Variants in SLC17A8 observed in about 807,000 individuals in gnomAD.
SLC17A8 encodes the protein vesicular glutamate transporter 3.
In SLC17A8, 31 loss-of-function variants were observed where a neutral mutation model predicts 58.0. The observed-to-expected ratio is 0.53, with a 90% confidence interval of 0.40 to 0.72. The LOEUF is 0.72. Ranked by LOEUF, SLC17A8 falls within the 30% of genes least tolerant of loss-of-function variation. SLC17A8 has a pLI of 0.00. For synonymous variants in SLC17A8, 228 were observed against 249.0 expected (o/e 0.92, Z 0.79); for missense variants, 655 against 727.8 (o/e 0.90, Z 1.15).
chr12:100,419,766 T>C, intron 11 of SLC17A8, 49 bp from the exon 12 acceptor site: 1 of 1,572,236 alleles, frequency 6.4e-7, no homozygotes, highest in Non-Finnish European at 8.7e-7. Context: ...ATACTGGTAA[T>C]CTCTAGTTTT....
chr12:100,409,861 G>A (rs535662826), intron 9 of SLC17A8, among the ~76,000 whole-genome samples: 1 of 152,352 alleles, frequency 6.6e-6, no homozygotes, highest in East Asian at 1.9e-4. Flanking sequence ...GCTATCCACA[G>A]AATGGGGGCA....
At chr12:100,403,936 G>A (rs1055041246) in intron 8 of SLC17A8, 102 bp from the exon 9 acceptor site, 2 of 1,336,752 alleles carry the variant, frequency 1.5e-6, no homozygotes, top group South Asian at 1.2e-5. Flanking sequence ...AAATTTGGTG[G>A]TGGTAGGTAG....
At chr12:100,390,754 T>C (rs762770684) in intron 2 of SLC17A8, among the ~76,000 whole-genome samples, 8 of 151,910 alleles carry the variant, frequency 5.3e-5, no homozygotes, top group Non-Finnish European at 8.8e-5. Context: ...GCCAGGAGGC[T>C]CAAGCCAGGC....
chr12:100,395,835 A>C (rs1952749698), intron 4 of SLC17A8, among the ~76,000 whole-genome samples: 1 of 151,172 alleles, frequency 6.6e-6, no homozygotes, highest in African/African-American at 2.4e-5. Flanking sequence ...CTGGTCTTGA[A>C]CTCCTGGCTT....
intron 1 of SLC17A8, among the ~76,000 whole-genome samples, chr12:100,377,269 C>T (rs975316089): frequency 3.9e-5 from 6 of 152,056 alleles, no homozygotes; most frequent in East Asian, 1.9e-4. Flanking sequence ...CATTAAGTGA[C>T]GGTGAGGATT....
At chr12:100,363,629 A>G (rs1358448406) in intron 1 of SLC17A8, among the ~76,000 whole-genome samples, 5 of 152,062 alleles carry the variant, frequency 3.3e-5, no homozygotes, top group Admixed American at 2.6e-4. Context: ...GCCTCCCAAA[A>G]TGCTGGCGTT....
chr12:100,406,046 T>TA (rs1952824087), intron 9 of SLC17A8, among the ~76,000 whole-genome samples: 1 of 152,194 alleles, frequency 6.6e-6, no homozygotes, highest in African/African-American at 2.4e-5. Flanking sequence ...CTTCTAATGA[T>TA]AAAATTCTGC....
At chr12:100,393,962 G>C (rs1011563623) in intron 4 of SLC17A8, among the ~76,000 whole-genome samples, 4 of 152,172 alleles carry the variant, frequency 2.6e-5, no homozygotes, top group African/African-American at 9.7e-5. Flanking sequence ...ACTCAACCCT[G>C]CTGTTATAGT....
At chr12:100,382,413 C>G (rs189938931) in intron 2 of SLC17A8, among the ~76,000 whole-genome samples, 142 of 152,266 alleles carry the variant, frequency 9.3e-4, no homozygotes, top group Middle Eastern at 6.8e-3. Flanking sequence ...AACGATAGAC[C>G]TAGAGAAGTA....
At chr12:100,374,171 G>T (rs549432331) in intron 1 of SLC17A8, among the ~76,000 whole-genome samples, 1 of 152,168 alleles carries the variant, frequency 6.6e-6, no homozygotes, top group East Asian at 1.9e-4. Context: ...CACAGCTCGC[G>T]TATCAGTGGC....
chr12:100,416,834 G>A (rs12815015), intron 10 of SLC17A8, among the ~76,000 whole-genome samples: 7 of 152,080 alleles, frequency 4.6e-5, no homozygotes, highest in Non-Finnish European at 7.4e-5. Context: ...TATAAGAATC[G>A]TTATCCCGTT....
chr12:100,361,201 T>G (rs1952481865), intron 1 of SLC17A8, among the ~76,000 whole-genome samples: 1 of 152,108 alleles, frequency 6.6e-6, no homozygotes, highest in Non-Finnish European at 1.5e-5. Context: ...CAAAACTACC[T>G]CACTCAGAGT....
rs59689031 is a variant in SLC17A8, at chr12:100,421,658, G to GTTTTTT, written c.*1516_*1521dup. ...TACTTGTAGCTTATTATTGTAAAGTGTTTTTTTTTTTTTTTTTTTTTTCTA... is the reference window on the plus strand; with the variant it reads ...TACTTGTAGCTTATTATTGTAAAGTGTTTTTTTTTTTTTTTTTTTTTTTTTTTTCTA... On this transcript the variant is annotated 3_prime_UTR_variant, in exon 12 of 12. Coordinates refer to ENST00000323346, the MANE Select transcript of SLC17A8 (RefSeq NM_139319.3). The GTTTTTT allele has an allele frequency of 1.3e-4, 14 of 109,850 alleles. No individual in the cohort carries two copies. The highest frequency in any genetic ancestry group is 3.1e-4 in the South Asian group (1 of 3,234). 6.8% of individuals were successfully genotyped at this position (109,850 alleles called of 1,614,324 possible). A position where few individuals can be genotyped will look rare whatever the true frequency, so the allele number is the denominator to read the frequency against.
intron 1 of SLC17A8, among the ~76,000 whole-genome samples, chr12:100,361,466 A>C (rs894886894): frequency 2.0e-5 from 3 of 152,000 alleles, no homozygotes; most frequent in African/African-American, 7.2e-5. Context: ...AAAGATCCCC[A>C]CTTTCCTGGC....
chr12:100,420,295 AG>A lies in SLC17A8; in HGVS notation c.*137del. The A allele has an allele frequency of 1.5e-6, 1 of 683,636 alleles. No homozygotes were observed. The highest frequency in any genetic ancestry group is 2.5e-6 in the Non-Finnish European group (1 of 392,474). 42.3% of individuals were successfully genotyped at this position (683,636 alleles called of 1,614,324 possible). On this transcript the variant is annotated 3_prime_UTR_variant, in exon 12 of 12. Coordinates refer to ENST00000323346, the MANE Select transcript of SLC17A8 (RefSeq NM_139319.3). Reference sequence around the variant, plus strand: ...AGATCTAACCAGCAACAGGGAAAAGAGAAATATTATCTTTCAATGACATGTA... The same window carrying A: ...AGATCTAACCAGCAACAGGGAAAAGAAAATATTATCTTTCAATGACATGTA...
intron 1 of SLC17A8, among the ~76,000 whole-genome samples, chr12:100,376,116 C>A (rs7299373): frequency 0.044 from 6,683 of 152,174 alleles, 420 homozygotes; most frequent in African/African-American, 0.14. Flanking sequence ...GAGCCATCTG[C>A]AAGCCAAAAA....
At chr12:100,419,362 G>A (rs12316627) in intron 11 of SLC17A8, among the ~76,000 whole-genome samples, 2 of 151,862 alleles carry the variant, frequency 1.3e-5, no homozygotes, top group Admixed American at 1.3e-4. Flanking sequence ...GTGAAACCCC[G>A]CCTCTACTAA....
Position 100,380,794 on chromosome 12 carries a change from C to G in SLC17A8, c.195C>G (p.Cys65Trp), listed in dbSNP as rs755036658. 6.2e-7 allele frequency: 1 copy of G among 1,614,130 alleles called. No homozygotes were observed. Among genetic ancestry groups the G allele is most frequent in the Non-Finnish European group, 8.5e-7 (1 of 1,180,032 alleles). ...VQTSRPSPPL[C>W]DCHCCGLPKR... is the part of the protein sequence containing the mutation. ...CGTCCAGGCCAAGCCCCCCACTCTG[C>G]GACTGCCACTGCTGCGGCCTCCCCA... The change falls in exon 2 of 12, where the codon TGC (cysteine) becomes TGG (tryptophan). Residue 65 changes from cysteine (C) to tryptophan (W), a missense_variant. Coordinates refer to ENST00000323346, the MANE Select transcript of SLC17A8 (RefSeq NM_139319.3).
In SLC17A8 at chr12:100,414,129, T is replaced by C. The variant is rs374732823; in HGVS notation, c.1297+1249T>C. On this transcript the variant is annotated intron_variant, in intron 10 of 11. Transcript: ENST00000323346. Reference sequence around the variant, plus strand: ...ACTATTTTACTAAAGCTCAGAAAAATTTGATACTTTCTTAATATCACACAG... The same window carrying C: ...ACTATTTTACTAAAGCTCAGAAAAACTTGATACTTTCTTAATATCACACAG... 3.9e-5 allele frequency among the ~76,000 whole-genome samples: 6 copies of C among 152,254 alleles called. No homozygotes were observed. The South Asian group carries it at 8.3e-4, about 21-fold the overall frequency.
Sources: allele counts gnomAD v4.1 joint callset (sites outside exome capture counted in the v4.1 genomes callset), GRCh38; gene constraint gnomAD v4.1.1; transcripts MANE v1.5; gene names NCBI Gene and HGNC (gene_info 2026-07-23, HGNC 2026-07-21).